SVIL: variants seen among roughly 807,000 people sequenced by gnomAD.
SVIL encodes supervillin, also known as archvillin.
Under a neutral mutation model 240.4 loss-of-function variants are expected in SVIL, and 101 were observed. That is an observed-to-expected ratio of 0.42 (90% confidence interval 0.36 to 0.50). SVIL has a LOEUF of 0.50. Among genes scored for constraint, SVIL ranks in the 20% least tolerant of loss-of-function variants. The pLI is 0.01. For missense variants in SVIL, 2,512 were observed against 2,818.7 expected, an observed-to-expected ratio of 0.89 and a Z score of 2.46; for synonymous variants, 999 against 1,100.0, an observed-to-expected ratio of 0.91 and a Z score of 1.82.
chr10:29,703,491 G>C (rs1962670160), intron 1 of SVIL, among the ~76,000 whole-genome samples: 1 of 152,236 alleles, frequency 6.6e-6, no homozygotes, highest in Middle Eastern at 3.2e-3. Context: ...AGCAGAGAAG[G>C]GGAGGGGAAT....
Position 29,554,951 on chromosome 10 carries a change from AAGAGGCAGAGTG to A in SVIL, c.9-29_9-18del. On this transcript the variant is annotated intron_variant, in intron 4 of 37. Transcript: ENST00000355867. Reference sequence around the variant, plus strand: ...CTTTCTTTTCTGTGAAATACACCACAAGAGGCAGAGTGAGCAACAGCGATCGAATCTAAAGGA... The same window carrying A: ...CTTTCTTTTCTGTGAAATACACCACAAGCAACAGCGATCGAATCTAAAGGA... The A allele has an allele frequency of 6.2e-7, 1 of 1,610,924 alleles. No homozygotes were observed.
rs752815649 is a variant in SVIL at position 29,465,635 on chromosome 10, C to G, written c.6093G>C (p.Met2031Ile). 1.2e-6 allele frequency: 2 copies of G among 1,613,972 alleles called. No individual in the cohort carries two copies. Among genetic ancestry groups the G allele is most frequent in the Admixed American group, 3.3e-5 (2 of 60,028 alleles). Residue 2031 changes from methionine (M) to isoleucine (I), a missense_variant, in exon 34 of 38, where the codon ATG (methionine) becomes ATC (isoleucine). Met to Ile is a conservative substitution (Grantham distance 10). Around this residue, in one of 3 missense-constraint regions of SVIL, gnomAD observed 797 missense variants for 925.3 expected, o/e 0.86. Coordinates refer to ENST00000355867, the MANE Select transcript of SVIL (RefSeq NM_021738.3). ...TGTACAGATCTTCCTGCAGGAAGGG[C>G]ATGGAACTGACCACAGAGGGGGCTC... ...PARAPSVVSS[M>I]PFLQEDLYSA...
intron 21 of SVIL, among the ~76,000 whole-genome samples, chr10:29,492,404 CAGCCCA>C (rs1431760966): frequency 2.0e-5 from 3 of 152,002 alleles, no homozygotes; most frequent in African/African-American, 7.3e-5. Flanking sequence ...AGAGTGAGGC[CAGCCCA>C]AAGGAAAACA....
At chr10:29,461,513 G>A (rs1382373538) in intron 36 of SVIL, among the ~76,000 whole-genome samples, 1 of 152,008 alleles carries the variant, frequency 6.6e-6, no homozygotes, top group Non-Finnish European at 1.5e-5. Context: ...CACTTGGGTC[G>A]TTTCCCCAAG....
At chr10:29,654,762 G>A (rs2133020606) in intron 3 of SVIL, among the ~76,000 whole-genome samples, 1 of 152,300 alleles carries the variant, frequency 6.6e-6, no homozygotes, top group South Asian at 2.1e-4. Flanking sequence ...AATCAGGGTA[G>A]CCAATGGCAT....
intron 1 of SVIL, among the ~76,000 whole-genome samples, chr10:29,583,256 C>T (rs547873805): frequency 1.3e-5 from 2 of 152,180 alleles, no homozygotes; most frequent in South Asian, 2.1e-4. Context: ...GCAAGAAAAG[C>T]TCATCAACCT....
chr10:29,554,603 T>C (rs1018983288), intron 5 of SVIL, among the ~76,000 whole-genome samples, 180 bp downstream of exon 5: 5 of 152,130 alleles, frequency 3.3e-5, no homozygotes, highest in African/African-American at 1.2e-4. Flanking sequence ...TGCAGCGAGC[T>C]ATGATCATAC....
chr10:29,573,748 G>T (rs1199199285), intron 1 of SVIL, among the ~76,000 whole-genome samples: 1 of 151,700 alleles, frequency 6.6e-6, no homozygotes, highest in Non-Finnish European at 1.5e-5. Flanking sequence ...AGGCTGGAGT[G>T]CAATGGCATG....
At position 29,556,318 on chromosome 10, in the gene SVIL, G is replaced by T. The variant is rs147027441; in HGVS notation, c.-50-1210C>A. Among the ~76,000 whole-genome samples, 15 of 152,312 alleles carry T rather than the reference G, an allele frequency of 9.8e-5. No individual in the cohort carries two copies. In the East Asian group the frequency reaches 2.9e-3, roughly 29 times the overall value. ...TGGACAGCCTGGGGCCAGGGCCAATGAAAAGTTTTGAAAGGCTGAGTCACA... is the reference window on the plus strand; with the variant it reads ...TGGACAGCCTGGGGCCAGGGCCAATTAAAAGTTTTGAAAGGCTGAGTCACA... On this transcript the variant is annotated intron_variant, in intron 3 of 37. Transcript: ENST00000355867.
intron 3 of SVIL, among the ~76,000 whole-genome samples, chr10:29,641,681 A>G (rs906506218): frequency 2.6e-5 from 4 of 152,226 alleles, no homozygotes; most frequent in African/African-American, 9.6e-5. Flanking sequence ...TCAGTAGGAG[A>G]AAAAAGGTAT....
rs1233418877 is a variant in SVIL, at chr10:29,458,449, G to A, written c.6543C>T (p.Thr2181=). ...VDPLKLEIYL[T]DEDFEFALDM... Reference sequence around the variant, plus strand: ...AACCGCTTACCTCGAAGTCTTCGTCGGTGAGATAGATCTCAAGCTTCAGAG... The same window carrying A: ...AACCGCTTACCTCGAAGTCTTCGTCAGTGAGATAGATCTCAAGCTTCAGAG... Residue 2181 remains threonine (T), a synonymous_variant, in exon 37 of 38, where the codon ACC becomes ACT. Transcript: ENST00000355867. 30 of 1,582,062 alleles carry A rather than the reference G, an allele frequency of 1.9e-5. No individual in the cohort carries two copies. In the Admixed American group the frequency reaches 2.3e-4, roughly 12 times the overall value.
At chr10:29,560,426 G>A (rs929430622) in intron 3 of SVIL, among the ~76,000 whole-genome samples, 3 of 152,134 alleles carry the variant, frequency 2.0e-5, no homozygotes, top group Non-Finnish European at 2.9e-5. Context: ...GGAGTAATAC[G>A]TTTGGTCCAC....
In SVIL at chr10:29,551,110, A is replaced by G. The variant is rs950436931; in HGVS notation, c.314T>C (p.Ile105Thr). Residue 105 changes from isoleucine (I) to threonine (T), a missense_variant, in exon 6 of 38, where the codon ATT (isoleucine) becomes ACT (threonine). Around this residue, in one of 3 missense-constraint regions of SVIL, gnomAD observed 1,443 missense variants for 1,486.6 expected, o/e 0.97. Coordinates refer to ENST00000355867, the MANE Select transcript of SVIL (RefSeq NM_021738.3). ...CCTTCTTTCTGCTTTGTACCTTGCAATTCTTTCGGCTTTGGACTCCAGACT... is the reference window on the plus strand; with the variant it reads ...CCTTCTTTCTGCTTTGTACCTTGCAGTTCTTTCGGCTTTGGACTCCAGACT... ...THSLESKAER[I>T]ARYKAERRRQ... The G allele has an allele frequency of 6.2e-7, 1 of 1,614,010 alleles. No individual in the cohort carries two copies. The highest frequency in any genetic ancestry group is 1.7e-5 in the Admixed American group (1 of 60,014).
chr10:29,713,331 C>T (rs1963420230), intron 1 of SVIL, among the ~76,000 whole-genome samples: 1 of 151,930 alleles, frequency 6.6e-6, no homozygotes, highest in Admixed American at 6.6e-5. Context: ...ACCCAAAGCA[C>T]ATACATCAGA....
chr10:29,573,537 A>G (rs1955543635), intron 1 of SVIL, among the ~76,000 whole-genome samples: 2 of 152,102 alleles, frequency 1.3e-5, no homozygotes, highest in Admixed American at 1.3e-4. Flanking sequence ...ATAATGAATT[A>G]TTATTTTTAA....
intron 6 of SVIL, among the ~76,000 whole-genome samples, chr10:29,547,623 T>A (rs1952811487): frequency 6.6e-6 from 1 of 152,210 alleles, no homozygotes. Context: ...TACATTTTTT[T>A]AATATTAAGA....
intron 17 of SVIL, among the ~76,000 whole-genome samples, chr10:29,506,975 G>A (rs1250182528): frequency 6.6e-6 from 1 of 152,162 alleles, no homozygotes; most frequent in Non-Finnish European, 1.5e-5. Context: ...ATTCCACGGT[G>A]AAATAAAAGA....
intron 6 of SVIL, among the ~76,000 whole-genome samples, chr10:29,539,945 C>G (rs577217440): frequency 3.3e-5 from 5 of 152,186 alleles, no homozygotes; most frequent in African/African-American, 1.2e-4. Flanking sequence ...CCTACCTCAT[C>G]AGCAAGTTCT....
At position 29,461,795 on chromosome 10, in the gene SVIL, G is replaced by C. The variant is rs372326416; in HGVS notation, c.6402+482C>G. 4.6e-5 allele frequency among the ~76,000 whole-genome samples: 7 copies of C among 152,292 alleles called. No homozygotes were observed. The East Asian group carries it at 1.2e-3, about 25-fold the overall frequency. On this transcript the variant is annotated intron_variant, in intron 36 of 37. Transcript: ENST00000355867. Reference sequence around the variant, plus strand: ...AAAGACAATATTAATGAGATGTTGAGTGATCCCTTATCATAAGGGAGTCGC... The same window carrying C: ...AAAGACAATATTAATGAGATGTTGACTGATCCCTTATCATAAGGGAGTCGC...
Sources: gnomAD v4.1 joint callset for allele counts (sites outside exome capture counted in the v4.1 genomes callset) on GRCh38, gnomAD v4.1.1 for gene constraint, gnomAD v4.1.1 regional missense constraint, MANE v1.5 for transcripts, NCBI Gene and HGNC (gene_info 2026-07-23, HGNC 2026-07-21) for gene names.